The following SHISA6 variants were observed in gnomAD, a reference collection of about 807,000 sequenced individuals.
SHISA6 encodes the protein protein shisa-6.
Under a neutral mutation model 47.9 loss-of-function variants are expected in SHISA6, and 22 were observed. The ratio of observed to expected loss-of-function variants is 0.46; its 90% CI spans 0.33 to 0.66. The LOEUF is 0.66. Among genes scored for constraint, SHISA6 ranks in the 30% least tolerant of loss-of-function variants. The probability of loss-of-function intolerance (pLI) is 0.02; values close to 1 mark genes in which losing one functional copy is unlikely to be tolerated. For synonymous variants in SHISA6, 388 were observed against 337.8 expected, an observed-to-expected ratio of 1.15 and a Z score of -1.63; for missense variants, 680 against 764.6, an observed-to-expected ratio of 0.89 and a Z score of 1.30.
intron 2 of SHISA6, among the ~76,000 whole-genome samples, chr17:11,344,549 C>A (rs193187145): frequency 1.3e-5 from 2 of 152,024 alleles, no homozygotes; most frequent in South Asian, 4.1e-4. Flanking sequence ...AGTGTTTTGT[C>A]TCTTATTGTC....
chr17:11,357,212 A>AAAAAG (rs1238818831), intron 2 of SHISA6, among the ~76,000 whole-genome samples: 1 of 149,090 alleles, frequency 6.7e-6, no homozygotes, highest in African/African-American at 2.5e-5. Context: ...AAAAAAATGA[A>AAAAAG]GAAGAAGAAG....
At chr17:11,495,501 A>G (rs1335036689) in intron 3 of SHISA6, among the ~76,000 whole-genome samples, 2 of 152,174 alleles carry the variant, frequency 1.3e-5, no homozygotes, top group Non-Finnish European at 2.9e-5. Context: ...GTGTGCTCTG[A>G]GCACACATGT....
At chr17:11,428,773 C>A (rs1914666776) in intron 3 of SHISA6, among the ~76,000 whole-genome samples, 1 of 148,230 alleles carries the variant, frequency 6.7e-6, no homozygotes, top group Non-Finnish European at 1.5e-5. Flanking sequence ...GGGCAGGATC[C>A]ACTTTCTTTT....
intron 3 of SHISA6, among the ~76,000 whole-genome samples, chr17:11,447,379 T>G (rs1915265783): frequency 6.6e-6 from 1 of 152,216 alleles, no homozygotes; most frequent in Non-Finnish European, 1.5e-5. Flanking sequence ...TGGTGTAATC[T>G]ATGGGAATAA....
chr17:11,451,585 G>A (rs1211315884), intron 3 of SHISA6, among the ~76,000 whole-genome samples: 2 of 152,320 alleles, frequency 1.3e-5, no homozygotes, highest in East Asian at 1.9e-4. Flanking sequence ...CACAAGGACT[G>A]ATAGAGTGGT....
chr17:11,538,410 G>A lies in SHISA6; in HGVS notation c.896-13486G>A, dbSNP rs537957444. On this transcript the variant is annotated intron_variant, in intron 3 of 5. Transcript: ENST00000441885. ...TGGAAGAGTTTGGGAGAAGTGAGAA[G>A]GAGAAGAACAATCAAAGTGGAAGAT... Among the ~76,000 whole-genome samples the A allele has an allele frequency of 1.1e-4, 16 of 152,296 alleles. No homozygotes were observed. In the South Asian group the frequency reaches 3.1e-3, roughly 30 times the overall value.
intron 1 of SHISA6, among the ~76,000 whole-genome samples, chr17:11,254,769 C>T (rs1269118984): frequency 6.6e-6 from 1 of 152,218 alleles, no homozygotes; most frequent in Non-Finnish European, 1.5e-5. Context: ...GGCAAAACAT[C>T]TGTTTGAAGA....
intron 2 of SHISA6, among the ~76,000 whole-genome samples, chr17:11,274,041 A>G (rs1305852588): frequency 6.6e-6 from 1 of 152,176 alleles, no homozygotes; most frequent in Non-Finnish European, 1.5e-5. Context: ...AGCTTTCCAG[A>G]AGCCAGAGGA....
At chr17:11,407,537 G>A (rs1481444306) in intron 3 of SHISA6, among the ~76,000 whole-genome samples, 11 of 151,774 alleles carry the variant, frequency 7.2e-5, no homozygotes, top group Non-Finnish European at 1.2e-4. Context: ...CACACATAGA[G>A]CCATACCCAT....
intron 3 of SHISA6, among the ~76,000 whole-genome samples, chr17:11,427,210 T>G (rs1303915445): frequency 6.6e-6 from 1 of 152,136 alleles, no homozygotes; most frequent in Non-Finnish European, 1.5e-5. Flanking sequence ...CTCGGCTCAC[T>G]ACAACCTCTG....
chr17:11,356,336 G>A (rs1399121950), intron 2 of SHISA6, among the ~76,000 whole-genome samples: 1 of 152,108 alleles, frequency 6.6e-6, no homozygotes, highest in Non-Finnish European at 1.5e-5. Flanking sequence ...GCTGCCTTCA[G>A]GTAGTCCCCT....
intron 3 of SHISA6, among the ~76,000 whole-genome samples, chr17:11,422,290 C>T (rs1375954144): frequency 6.6e-6 from 1 of 152,008 alleles, no homozygotes; most frequent in Non-Finnish European, 1.5e-5. Context: ...TCCGGAGCAA[C>T]AAAAATGAGA....
intron 2 of SHISA6, among the ~76,000 whole-genome samples, chr17:11,375,766 C>G (rs547478523): frequency 1.3e-5 from 2 of 152,210 alleles, no homozygotes; most frequent in African/African-American, 4.8e-5. Context: ...GGAGTTCTGA[C>G]GGGAGGTCGA....
chr17:11,317,587 G>A (rs117653261), intron 2 of SHISA6, among the ~76,000 whole-genome samples: 2,356 of 151,706 alleles, frequency 0.016, 25 homozygotes, highest in Middle Eastern at 0.031. Flanking sequence ...TTTCACAACC[G>A]CAGTTTAAAT....
chr17:11,494,417 G>A (rs2071391323), intron 3 of SHISA6, among the ~76,000 whole-genome samples: 1 of 152,176 alleles, frequency 6.6e-6, no homozygotes, highest in Non-Finnish European at 1.5e-5. Context: ...GTGCTCAGAG[G>A]TGTAATGTGC....
chr17:11,307,747 A>C (rs1910175125), intron 2 of SHISA6, among the ~76,000 whole-genome samples: 1 of 152,216 alleles, frequency 6.6e-6, no homozygotes, highest in African/African-American at 2.4e-5. Flanking sequence ...GAGGTAAACA[A>C]ATATTCCAAT....
chr17:11,360,504 G>C (rs1432341935), intron 2 of SHISA6, among the ~76,000 whole-genome samples: 1 of 151,400 alleles, frequency 6.6e-6, no homozygotes, highest in African/African-American at 2.4e-5. Flanking sequence ...AGGTTGCAGT[G>C]AGCCGAGCCT....
intron 3 of SHISA6, among the ~76,000 whole-genome samples, chr17:11,390,961 A>G (rs1376777161): frequency 2.0e-5 from 3 of 152,242 alleles, no homozygotes; most frequent in Admixed American, 6.5e-5. Flanking sequence ...TACCATGAAC[A>G]GTGGAGGATA....
intron 2 of SHISA6, among the ~76,000 whole-genome samples, chr17:11,314,544 T>G (rs1171255147): frequency 6.6e-5 from 10 of 151,170 alleles, no homozygotes; most frequent in South Asian, 2.1e-4. Flanking sequence ...TTTGTTTTTT[T>G]TTTTTTTTGA....
Sources: gnomAD v4.1 joint callset for allele counts (sites outside exome capture counted in the v4.1 genomes callset) on GRCh38, gnomAD v4.1.1 for gene constraint, MANE v1.5 for transcripts, NCBI Gene and HGNC (gene_info 2026-07-23, HGNC 2026-07-21) for gene names.